The following EYS variants were observed in gnomAD, a reference collection of about 807,000 sequenced individuals.
EYS encodes the protein protein eyes shut homolog.
EYS carries 250 observed loss-of-function variants against 282.1 expected under a neutral mutation model. That is an observed-to-expected ratio of 0.89 (90% CI 0.80 to 0.98). The LOEUF (loss-of-function observed/expected upper bound fraction) is 0.98. Among genes scored for constraint, EYS ranks in the 50% least tolerant of loss-of-function variants. EYS has a pLI of 0.00. For missense variants in EYS, 4,016 were observed against 3,709.0 expected (o/e 1.08, Z -2.15); for synonymous variants, 1,355 against 1,282.9 (o/e 1.06, Z -1.20).
intron 31 of EYS, among the ~76,000 whole-genome samples, chr6:64,117,495 T>C (rs1454526240): frequency 6.6e-6 from 1 of 151,502 alleles, no homozygotes; most frequent in South Asian, 2.1e-4. Flanking sequence ...AAAGAGAATA[T>C]TCAACTAACT....
At chr6:65,393,201 T>C (rs1332725882) in intron 7 of EYS, among the ~76,000 whole-genome samples, 3 of 151,946 alleles carry the variant, frequency 2.0e-5, no homozygotes, top group Non-Finnish European at 4.4e-5. Context: ...AGGGATAGCA[T>C]TGGGAGATAT....
chr6:63,734,690 G>C, intron 41 of EYS, among the ~76,000 whole-genome samples: 1 of 152,078 alleles, frequency 6.6e-6, no homozygotes, highest in East Asian at 1.9e-4. Flanking sequence ...AAACTAGAAG[G>C]ATAATGTTGT....
intron 13 of EYS, among the ~76,000 whole-genome samples, chr6:65,012,225 A>C (rs1771897061): frequency 6.6e-6 from 1 of 152,234 alleles, no homozygotes; most frequent in Non-Finnish European, 1.5e-5. Flanking sequence ...ACAAGTATTT[A>C]AGAAATAGGA....
Position 65,533,368 on chromosome 6 carries a change from G to A in EYS, c.-332-37375C>T, listed in dbSNP as rs531759708. Among the ~76,000 whole-genome samples the A allele has an allele frequency of 3.0e-3, 460 of 152,152 alleles. 3 individuals are homozygous for A. The highest frequency in any genetic ancestry group is 0.01 in the Middle Eastern group (3 of 294). On this transcript the variant is annotated intron_variant, in intron 2 of 42. Coordinates refer to ENST00000503581, the MANE Select transcript of EYS (RefSeq NM_001142800.2). ...AGCCTACCAACCAAAAAAAAGTCCA[G>A]GCCCAGACGGATTCACAGCAGAATT...
chr6:64,764,780 C>T (rs1342074672), intron 22 of EYS, among the ~76,000 whole-genome samples: 4 of 152,246 alleles, frequency 2.6e-5, no homozygotes, highest in African/African-American at 2.4e-5. Context: ...CACTTGTCAT[C>T]CTGGCTGGAG....
At chr6:64,327,751 G>A (rs1012206083) in intron 29 of EYS, among the ~76,000 whole-genome samples, 13 of 152,228 alleles carry the variant, frequency 8.5e-5, no homozygotes, top group Middle Eastern at 3.4e-3. Context: ...GAAAAAACCC[G>A]TCCTACAGGC....
intron 12 of EYS, among the ~76,000 whole-genome samples, chr6:65,128,957 C>CCAA: frequency 6.6e-6 from 1 of 151,782 alleles, no homozygotes; most frequent in Non-Finnish European, 1.5e-5. Flanking sequence ...GGAACTGGTA[C>CCAA]AATAGACACA....
rs564083017 is a variant in EYS, at chr6:64,912,177, A to G, written c.2641+307T>C. ...CTATTGTCATGAACACTACATGAAC[A>G]GGATTGTTCAGAAAAGAGAAACTGT... On this transcript the variant is annotated intron_variant, in intron 16 of 42. Transcript: ENST00000503581. 2.6e-5 allele frequency among the ~76,000 whole-genome samples: 4 copies of G among 152,066 alleles called. No homozygotes were observed. The South Asian group carries it at 8.3e-4, about 31-fold the overall frequency.
At chr6:65,602,965 T>G (rs757414474) in intron 2 of EYS, among the ~76,000 whole-genome samples, 1 of 152,012 alleles carries the variant, frequency 6.6e-6, no homozygotes, top group Non-Finnish European at 1.5e-5. Flanking sequence ...AGTAGACTGA[T>G]TGTAAGCATT....
chr6:64,807,708 TA>T (rs1764474732), intron 22 of EYS, among the ~76,000 whole-genome samples: 1 of 152,104 alleles, frequency 6.6e-6, no homozygotes, highest in South Asian at 2.1e-4. Flanking sequence ...TTTAGGTGTT[TA>T]AAATGTCCAT....
At chr6:64,429,089 C>A (rs1774503043) in intron 28 of EYS, among the ~76,000 whole-genome samples, 1 of 152,054 alleles carries the variant, frequency 6.6e-6, no homozygotes, top group Admixed American at 6.6e-5. Flanking sequence ...AGAAAAAAAC[C>A]CCAAAACTCT....
At chr6:64,665,082 C>T (rs977511239) in intron 22 of EYS, among the ~76,000 whole-genome samples, 2 of 152,124 alleles carry the variant, frequency 1.3e-5, no homozygotes, top group East Asian at 3.9e-4. Context: ...AAACATGATA[C>T]AACTGTGATA....
chr6:64,024,820 C>T (rs1233938921), intron 33 of EYS, among the ~76,000 whole-genome samples: 4 of 152,086 alleles, frequency 2.6e-5, no homozygotes, highest in Non-Finnish European at 4.4e-5. Context: ...ACTCCAAACA[C>T]ATCCGAACAT....
At chr6:63,745,047 G>C in intron 41 of EYS, 1 of 420,486 alleles carries the variant, frequency 2.4e-6, no homozygotes, top group Non-Finnish European at 4.6e-6. Context: ...ATATTCAGAT[G>C]CCAAAAAAGG....
At chr6:65,339,940 A>G (rs566485500) in intron 10 of EYS, among the ~76,000 whole-genome samples, 1 of 151,314 alleles carries the variant, frequency 6.6e-6, no homozygotes, top group South Asian at 2.1e-4. Context: ...ACATCCTATA[A>G]GAAAAAAAGA....
chr6:65,484,155 T>C (rs1319391395), intron 5 of EYS, among the ~76,000 whole-genome samples: 1 of 152,008 alleles, frequency 6.6e-6, no homozygotes, highest in East Asian at 1.9e-4. Context: ...AAAAACCCTA[T>C]TATAGTTACC....
At chr6:65,376,757 A>T (rs972948076) in intron 8 of EYS, among the ~76,000 whole-genome samples, 2 of 152,196 alleles carry the variant, frequency 1.3e-5, no homozygotes, top group Non-Finnish European at 2.9e-5. Context: ...AAACCAAGAA[A>T]TATCAAAAAA....
rs572076030 is a variant in EYS, at chr6:63,889,404, C to T, written c.7056-25046G>A. On this transcript the variant is annotated intron_variant, in intron 35 of 42. Coordinates refer to ENST00000503581, the MANE Select transcript of EYS (RefSeq NM_001142800.2). ...GGTCGGGGAAGCCACAAAGGAGAGC[C>T]CATTAGACTAACAGCTGATCTCTGC... Among the ~76,000 whole-genome samples the T allele has an allele frequency of 2.8e-4, 43 of 152,208 alleles. No homozygotes were observed. The South Asian group carries it at 8.1e-3, about 29-fold the overall frequency.
intron 30 of EYS, among the ~76,000 whole-genome samples, chr6:64,265,000 T>C (rs1767708200): frequency 2.0e-5 from 3 of 152,130 alleles, no homozygotes; most frequent in Admixed American, 1.3e-4. Context: ...AATCTGTCAG[T>C]GGAGAAGCCA....
Sources: gnomAD v4.1 joint callset for allele counts (sites outside exome capture counted in the v4.1 genomes callset) on GRCh38, gnomAD v4.1.1 for gene constraint, MANE v1.5 for transcripts, NCBI Gene and HGNC (gene_info 2026-07-23, HGNC 2026-07-21) for gene names.